GLRA2: variants seen among roughly 807,000 people sequenced by gnomAD.
GLRA2 encodes the protein glycine receptor alpha 2, also known as glycine receptor subunit alpha-2.
GLRA2 carries 11 observed loss-of-function variants against 31.6 expected under a neutral mutation model. That is an observed-to-expected ratio of 0.35 (90% CI 0.22 to 0.58). The LOEUF (loss-of-function observed/expected upper bound fraction) is 0.58. Ranked by LOEUF, GLRA2 falls within the 20% of genes least tolerant of loss-of-function variation. GLRA2 has a pLI of 0.84. For synonymous variants in GLRA2, 132 were observed against 134.0 expected, an observed-to-expected ratio of 0.99 and a Z score of 0.10; for missense variants, 212 against 351.8, an observed-to-expected ratio of 0.60 and a Z score of 3.18.
chrX:14,482,739 T>C, the GLRA2 span, among the ~76,000 whole-genome samples: 1 of 111,089 alleles, frequency 9.0e-6, no homozygotes, highest in Admixed American at 9.6e-5. Flanking sequence ...ATCATTATCA[T>C]AATTGTCACC....
chrX:14,610,000 C>G (rs770576400), intron 7 of GLRA2, among the ~76,000 whole-genome samples: 8 of 111,807 alleles, frequency 7.2e-5, no homozygotes, highest in African/African-American at 2.6e-4. Context: ...GATGAATGTC[C>G]CACTTTTGAA....
the GLRA2 span, among the ~76,000 whole-genome samples, chrX:14,458,550 T>G: frequency 8.9e-6 from 1 of 112,335 alleles, no homozygotes; most frequent in South Asian, 3.7e-4. Context: ...CCTGACATTT[T>G]AATGGTCGCC....
chrX:14,530,490 AT>A (rs1407326059), intron 1 of GLRA2, among the ~76,000 whole-genome samples: 2 of 111,778 alleles, frequency 1.8e-5, no homozygotes, highest in African/African-American at 6.5e-5. Flanking sequence ...GATTGTATTA[AT>A]TTGGCAGGAG....
chrX:14,554,859 C>T (rs1032982026), intron 2 of GLRA2, among the ~76,000 whole-genome samples: 4 of 111,573 alleles, frequency 3.6e-5, no homozygotes, highest in African/African-American at 1.3e-4. Context: ...AATTTCCATA[C>T]CTATAAGCAA....
At chrX:14,592,918 A>T (rs2090160249) in intron 4 of GLRA2, among the ~76,000 whole-genome samples, 4 of 112,368 alleles carry the variant, frequency 3.6e-5, no homozygotes, top group Admixed American at 9.4e-5. Context: ...ATCATGTGGT[A>T]GATTTGAGCC....
intron 2 of GLRA2, among the ~76,000 whole-genome samples, chrX:14,569,104 A>G (rs751560046): frequency 1.8e-5 from 2 of 110,671 alleles, no homozygotes; most frequent in East Asian, 5.7e-4. Flanking sequence ...AAAATACAAA[A>G]ATTAGCCAGG....
chrX:14,601,318 T>C (rs1410266163), intron 4 of GLRA2, among the ~76,000 whole-genome samples: 2 of 111,692 alleles, frequency 1.8e-5, no homozygotes, highest in Non-Finnish European at 3.8e-5. Context: ...TAGCAATGAA[T>C]GTGAAATGCT....
intron 7 of GLRA2, among the ~76,000 whole-genome samples, chrX:14,675,930 T>C (rs1322001572): frequency 8.9e-6 from 1 of 112,304 alleles, no homozygotes; most frequent in Non-Finnish European, 1.9e-5. Context: ...AGTTTAGATA[T>C]GCATTTAATA....
In GLRA2 at chrX:14,590,938, T is replaced by C. The variant is rs773013527; in HGVS notation, c.494+9532T>C. Among the ~76,000 whole-genome samples the C allele has an allele frequency of 1.3e-4, 15 of 111,725 alleles. 1 individual carries two copies. In the East Asian group the frequency reaches 3.4e-3, roughly 25 times the overall value. On this transcript the variant is annotated intron_variant, in intron 4 of 8. Transcript: ENST00000218075. ...GGTGGGAAGCACTGGCATGCACATA[T>C]GCTAGTGGATTCAGCAGGAGCTGTG...
the GLRA2 span, among the ~76,000 whole-genome samples, chrX:14,449,104 T>G: frequency 8.9e-6 from 1 of 112,492 alleles, no homozygotes; most frequent in South Asian, 3.7e-4. Context: ...GGTGTACTCG[T>G]GAACCTGACA....
intron 8 of GLRA2, among the ~76,000 whole-genome samples, chrX:14,723,762 C>A (rs187060347): frequency 8.9e-6 from 1 of 111,912 alleles, no homozygotes; most frequent in Non-Finnish European, 1.9e-5. Context: ...TTTTTTAAAT[C>A]TCTAATGAAA....
chrX:14,552,432 C>A, intron 2 of GLRA2, among the ~76,000 whole-genome samples: 1 of 112,235 alleles, frequency 8.9e-6, no homozygotes, highest in Non-Finnish European at 1.9e-5. Context: ...TTGATAAGTA[C>A]TACTGTTAAC....
At chrX:14,654,857 C>T (rs1409003910) in intron 7 of GLRA2, among the ~76,000 whole-genome samples, 1 of 111,729 alleles carries the variant, frequency 9.0e-6, no homozygotes. Flanking sequence ...AGGTGAAAGG[C>T]ACATCTCACA....
the GLRA2 span, among the ~76,000 whole-genome samples, chrX:14,518,940 A>C: frequency 1.2e-4 from 12 of 97,187 alleles, 1 homozygote; most frequent in Non-Finnish European, 2.4e-4. Flanking sequence ...TGAACCCAGG[A>C]GGCGGAGCTT....
At chrX:14,521,773 A>G in the GLRA2 span, among the ~76,000 whole-genome samples, 5 of 112,726 alleles carry the variant, frequency 4.4e-5, no homozygotes, top group African/African-American at 1.6e-4. Flanking sequence ...CCCAGTGCAT[A>G]TAAAAGTTAT....
intron 2 of GLRA2, among the ~76,000 whole-genome samples, chrX:14,569,090 A>T (rs2089849004): frequency 9.0e-6 from 1 of 111,171 alleles, no homozygotes; most frequent in Non-Finnish European, 1.9e-5. Context: ...CCCTGCCCCT[A>T]CTAAAAATAC....
chrX:14,531,495 T>A (rs746316042), intron 1 of GLRA2, among the ~76,000 whole-genome samples: 2 of 111,564 alleles, frequency 1.8e-5, no homozygotes, highest in Admixed American at 1.9e-4. Flanking sequence ...TTTCACCAAC[T>A]TTCAGTGTTT....
At chrX:14,471,988 T>C in the GLRA2 span, among the ~76,000 whole-genome samples, 1 of 112,001 alleles carries the variant, frequency 8.9e-6, no homozygotes, top group Non-Finnish European at 1.9e-5. Context: ...TGTTCCAATT[T>C]TTTTGTGATG....
intron 2 of GLRA2, among the ~76,000 whole-genome samples, chrX:14,554,210 G>A (rs773899120): frequency 2.4e-4 from 27 of 111,992 alleles, no homozygotes; most frequent in African/African-American, 5.5e-4. Context: ...GTGGGAAGGC[G>A]GCTGTCCTAG....
Sources: allele counts gnomAD v4.1 joint callset (sites outside exome capture counted in the v4.1 genomes callset), GRCh38; gene constraint gnomAD v4.1.1; transcripts MANE v1.5; gene names NCBI Gene and HGNC (gene_info 2026-07-23, HGNC 2026-07-21).